Variants in KLHL29 observed in about 807,000 individuals in gnomAD.
KLHL29 encodes the protein kelch like family member 29.
In KLHL29, 21 loss-of-function variants were observed where a neutral mutation model predicts 80.4. The observed-to-expected ratio is 0.26, with a 90% CI of 0.19 to 0.38. The LOEUF (loss-of-function observed/expected upper bound fraction) is 0.38. KLHL29 is among the 10% of genes least tolerant of loss of function. The probability of loss-of-function intolerance (pLI) is 1.00; values close to 1 mark genes in which losing one functional copy is unlikely to be tolerated. For missense variants in KLHL29, 867 were observed against 1,223.9 expected, an observed-to-expected ratio of 0.71 and a Z score of 4.35; for synonymous variants, 511 against 526.8, an observed-to-expected ratio of 0.97 and a Z score of 0.41.
intron 3 of KLHL29, among the ~76,000 whole-genome samples, chr2:23,564,049 G>C (rs193228701): frequency 6.6e-6 from 1 of 152,372 alleles, no homozygotes; most frequent in East Asian, 1.9e-4. Context: ...TGGCCATATG[G>C]AGAATGGCAG....
chr2:23,657,425 A>G (rs975586907), intron 5 of KLHL29, among the ~76,000 whole-genome samples: 1 of 152,208 alleles, frequency 6.6e-6, no homozygotes, highest in Admixed American at 6.5e-5. Context: ...CACTACTTCT[A>G]TTGAAATAAA....
chr2:23,458,079 A>G (rs1200680147), intron 1 of KLHL29, among the ~76,000 whole-genome samples: 1 of 152,238 alleles, frequency 6.6e-6, no homozygotes, highest in Non-Finnish European at 1.5e-5. Context: ...CGTGAGGGTC[A>G]GCATGTCAGT....
chr2:23,579,197 A>G lies in KLHL29; in HGVS notation c.285+16716A>G, dbSNP rs983468087. 3.3e-5 allele frequency among the ~76,000 whole-genome samples: 5 copies of G among 152,250 alleles called. No homozygotes were observed. The East Asian group carries it at 9.6e-4, about 29-fold the overall frequency. Reference sequence around the variant, plus strand: ...TAGAGCAACCCCATGTGGTAAGTCTACAGTTCTGCCCATTTACACACAAGG... The same window carrying G: ...TAGAGCAACCCCATGTGGTAAGTCTGCAGTTCTGCCCATTTACACACAAGG... On this transcript the variant is annotated intron_variant, in intron 3 of 13. Coordinates refer to ENST00000486442, the MANE Select transcript of KLHL29 (RefSeq NM_052920.2).
chr2:23,482,123 G>A (rs1664812949), intron 2 of KLHL29, among the ~76,000 whole-genome samples: 1 of 152,154 alleles, frequency 6.6e-6, no homozygotes, highest in African/African-American at 2.4e-5. Context: ...GAGATGCCCA[G>A]GGATGGACTC....
chr2:23,425,146 T>C (rs555595764), intron 1 of KLHL29, among the ~76,000 whole-genome samples: 3 of 152,252 alleles, frequency 2.0e-5, no homozygotes, highest in African/African-American at 7.2e-5. Flanking sequence ...AATATAATCC[T>C]TGAATAATAT....
At chr2:23,617,252 C>G (rs1184592636) in intron 3 of KLHL29, 1 of 152,254 alleles carries the variant, frequency 6.6e-6, no homozygotes, top group Non-Finnish European at 1.5e-5. Context: ...AGAGAAGCTT[C>G]CCTGTGCTTC....
chr2:23,567,225 G>A (rs1667609646), intron 3 of KLHL29, among the ~76,000 whole-genome samples: 1 of 152,212 alleles, frequency 6.6e-6, no homozygotes, highest in Non-Finnish European at 1.5e-5. Context: ...AAAAGGGACG[G>A]CTTCATAAAA....
chr2:23,497,527 G>A (rs867512758), intron 2 of KLHL29, among the ~76,000 whole-genome samples: 20 of 152,144 alleles, frequency 1.3e-4, no homozygotes, highest in Non-Finnish European at 2.6e-4. Flanking sequence ...GGCCGAGCAC[G>A]GAGATCACAG....
intron 1 of KLHL29, among the ~76,000 whole-genome samples, chr2:23,436,283 TG>T (rs1558337557): frequency 5.7e-5 from 1 of 17,416 alleles, no homozygotes; most frequent in Admixed American, 6.5e-4. Context: ...ATCAGCTTTG[TG>T]TGTGTGTGTG....
intron 1 of KLHL29, among the ~76,000 whole-genome samples, chr2:23,432,130 A>G (rs542676500): frequency 6.6e-6 from 1 of 152,194 alleles, no homozygotes; most frequent in Non-Finnish European, 1.5e-5. Context: ...ATTTAGTGCT[A>G]TCATTTCATT....
At chr2:23,408,351 A>T (rs1181361437) in intron 1 of KLHL29, among the ~76,000 whole-genome samples, 2 of 147,980 alleles carry the variant, frequency 1.4e-5, no homozygotes, top group Non-Finnish European at 3.0e-5. Context: ...GAGATCCGTA[A>T]ATTGATTTAT....
At chr2:23,522,125 A>G (rs1428489340) in intron 2 of KLHL29, among the ~76,000 whole-genome samples, 1 of 151,876 alleles carries the variant, frequency 6.6e-6, no homozygotes, top group African/African-American at 2.4e-5. Flanking sequence ...GTGAACACCA[A>G]GCTTCAGTGT....
At chr2:23,691,608 C>G in intron 6 of KLHL29, 66 bp from the exon 7 acceptor site, 1 of 1,370,490 alleles carries the variant, frequency 7.3e-7, no homozygotes, top group Non-Finnish European at 1.0e-6. Flanking sequence ...GGAGATCTAG[C>G]CCTGTGAGGA....
At position 23,562,240 on chromosome 2, in the gene KLHL29, G is replaced by T; in HGVS notation, c.44G>T (p.Gly15Val). 6.4e-7 allele frequency: 1 copy of T among 1,550,584 alleles called. No homozygotes were observed. Among genetic ancestry groups the T allele is most frequent in the Non-Finnish European group, 8.7e-7 (1 of 1,146,926 alleles). ...HSRFERDYRV[G>V]WDRREWSVNG... is the part of the protein sequence containing the mutation. The stretch of plus-strand genomic sequence containing the variant: ...CGCTTCGAAAGAGATTACCGGGTGG[G>T]CTGGGACCGCCGCGAATGGAGCGTC... The change falls in exon 3 of 14, where the codon GGC (glycine) becomes GTC (valine). Residue 15 changes from glycine to valine, a missense_variant. Gly to Val is a moderately radical substitution (Grantham distance 109). This residue lies in a region of KLHL29 where 424 missense variants were observed against 456.9 expected (regional missense o/e 0.93). Transcript: ENST00000486442. This position sits in a 1 kb window ranked among gnomAD's most constrained non-coding sequence, Gnocchi z 4.5.
intron 2 of KLHL29, among the ~76,000 whole-genome samples, chr2:23,512,771 G>T (rs1408140724): frequency 6.6e-6 from 1 of 152,226 alleles, no homozygotes; most frequent in Admixed American, 6.5e-5. Context: ...TGAAGCATCC[G>T]CTGGTACAGG....
intron 3 of KLHL29, among the ~76,000 whole-genome samples, chr2:23,564,343 A>ATGTT (rs1482902371): frequency 6.6e-6 from 1 of 152,188 alleles, no homozygotes; most frequent in Non-Finnish European, 1.5e-5. Flanking sequence ...CTCAGACAGA[A>ATGTT]AACAACAGCT....
intron 3 of KLHL29, among the ~76,000 whole-genome samples, chr2:23,599,088 G>A (rs1490096107): frequency 6.6e-6 from 1 of 152,182 alleles, no homozygotes; most frequent in Non-Finnish European, 1.5e-5. Flanking sequence ...AGCAGACAGG[G>A]GCAAGAGAAA....
chr2:23,589,482 AC>A (rs983376337), intron 3 of KLHL29, among the ~76,000 whole-genome samples: 1 of 152,178 alleles, frequency 6.6e-6, no homozygotes, highest in African/African-American at 2.4e-5. Flanking sequence ...CCACCCACCC[AC>A]CTCGGTTTAG....
chr2:23,566,399 TAGAATC>T (rs1448754426), intron 3 of KLHL29, among the ~76,000 whole-genome samples: 1 of 152,194 alleles, frequency 6.6e-6, no homozygotes, highest in African/African-American at 2.4e-5. Context: ...CCCAGTGAGT[TAGAATC>T]AGAACCAGCC....
Sources: allele counts gnomAD v4.1 joint callset (sites outside exome capture counted in the v4.1 genomes callset), GRCh38; gene constraint gnomAD v4.1.1; regional missense constraint gnomAD v4.1.1; non-coding constraint Gnocchi (gnomAD v3.1); transcripts MANE v1.5; gene names NCBI Gene and HGNC (gene_info 2026-07-23, HGNC 2026-07-21).